Variants in GNB1 observed in about 807,000 individuals in gnomAD.
GNB1 encodes guanine nucleotide-binding protein G(I)/G(S)/G(T) subunit beta-1.
GNB1 carries 2 observed loss-of-function variants against 42.9 expected under a neutral mutation model. The observed-to-expected ratio is 0.05, with a 90% CI of 0.02 to 0.15. GNB1 has a LOEUF of 0.15. Ranked by LOEUF, GNB1 falls within the 10% of genes least tolerant of loss-of-function variation. GNB1 has a pLI of 1.00. For synonymous variants in GNB1, 183 were observed against 174.7 expected, an observed-to-expected ratio of 1.05 and a Z score of -0.38; for missense variants, 193 against 462.2, an observed-to-expected ratio of 0.42 and a Z score of 5.34.
intron 1 of GNB1, among the ~76,000 whole-genome samples, chr1:1,865,388 C>G (rs1192609796): frequency 6.6e-6 from 1 of 150,998 alleles, no homozygotes; most frequent in Non-Finnish European, 1.5e-5. Flanking sequence ...AGATCGAGAC[C>G]ATCCTGGCTA....
intron 1 of GNB1, among the ~76,000 whole-genome samples, chr1:1,877,573 A>C (rs1192007871): frequency 6.6e-6 from 1 of 152,000 alleles, no homozygotes; most frequent in Non-Finnish European, 1.5e-5. Flanking sequence ...CCTGGCCTCA[A>C]GTGATTCTCC....
chr1:1,881,624 T>A (rs1014842079), intron 1 of GNB1, among the ~76,000 whole-genome samples: 2 of 152,102 alleles, frequency 1.3e-5, no homozygotes, highest in Non-Finnish European at 2.9e-5. Flanking sequence ...GGTCTCAAAC[T>A]CCTGACCTCA....
chr1:1,809,588 C>T (rs151174676), intron 5 of GNB1, among the ~76,000 whole-genome samples: 155 of 152,268 alleles, frequency 1.0e-3, no homozygotes, highest in African/African-American at 3.3e-3. Context: ...GACTTTCTGT[C>T]GAGTATCAGA....
rs2100729567 is a variant in GNB1, at chr1:1,806,747, G to A, written c.204-209C>T. ...CCAGCACTTTGGGAGGCTGAGGTGGGCAGATCACATGAGGTCAGGAGTTCA... is the reference window on the plus strand; with the variant it reads ...CCAGCACTTTGGGAGGCTGAGGTGGACAGATCACATGAGGTCAGGAGTTCA... On this transcript the variant is annotated intron_variant, in intron 5 of 11. Transcript: ENST00000378609. Among the ~76,000 whole-genome samples the A allele has an allele frequency of 2.0e-5, 3 of 152,310 alleles. No homozygotes were observed. The South Asian group carries it at 6.2e-4, about 32-fold the overall frequency.
intron 3 of GNB1, among the ~76,000 whole-genome samples, chr1:1,823,196 C>T (rs71630941): frequency 7.0e-6 from 1 of 142,292 alleles, no homozygotes; most frequent in African/African-American, 2.6e-5. Flanking sequence ...GAGCTGAGAT[C>T]GCGCCACTGC....
chr1:1,876,562 CAT>C, intron 1 of GNB1, among the ~76,000 whole-genome samples: 1 of 152,134 alleles, frequency 6.6e-6, no homozygotes, highest in African/African-American at 2.4e-5. Flanking sequence ...AGCGCACACA[CAT>C]GCAAAAATGG....
chr1:1,816,644 CTTTTTTTTTTT>C (rs59065707), intron 4 of GNB1, among the ~76,000 whole-genome samples: 2 of 108,638 alleles, frequency 1.8e-5, no homozygotes, highest in African/African-American at 6.5e-5. Context: ...TTTTTATTAT[CTTTTTTTTTTT>C]TTTTTTTTTT....
chr1:1,866,255 A>C (rs1238405994), intron 1 of GNB1, among the ~76,000 whole-genome samples: 2 of 152,232 alleles, frequency 1.3e-5, no homozygotes, highest in Non-Finnish European at 2.9e-5. Context: ...ACAGTATCTT[A>C]AAACAGTATG....
intron 6 of GNB1, 92 bp downstream of exon 6, chr1:1,806,383 C>A: frequency 1.3e-6 from 1 of 774,692 alleles, no homozygotes. Context: ...CCTTCCCTAT[C>A]CTGTATTACG....
chr1:1,809,139 C>A (rs1646741889), intron 5 of GNB1, among the ~76,000 whole-genome samples: 1 of 151,252 alleles, frequency 6.6e-6, no homozygotes, highest in Non-Finnish European at 1.5e-5. Context: ...AAATTTATCA[C>A]AGAACTAAAA....
rs1646388302 is a variant in GNB1, at chr1:1,785,293, T to C, written c.*1770A>G. On this transcript the variant is annotated 3_prime_UTR_variant, in exon 12 of 12. Transcript: ENST00000378609. ...ATAATCACCACACCAAAGTCCCTCA[T>C]GTCAAACTGCTTTATTACATCTTAA... 6.6e-6 allele frequency: 1 copy of C among 152,660 alleles called. No individual in the cohort carries two copies. Among genetic ancestry groups the C allele is most frequent in the Admixed American group, 6.5e-5 (1 of 15,282 alleles). 9.5% of individuals were successfully genotyped at this position (152,660 alleles called of 1,614,324 possible).
At chr1:1,825,196 T>C (rs571353971) in intron 3 of GNB1, 2 of 566,998 alleles carry the variant, frequency 3.5e-6, no homozygotes, top group East Asian at 2.9e-5. Flanking sequence ...AAATAACAAA[T>C]TGTATACAGA....
Position 1,787,488 on chromosome 1 carries a change from C to T in GNB1, c.917-51G>A. ...CACCAAAGCCCAGAGGCATCGATCT[C>T]ACCTGTGTGCCATGTTGTGACGAGG... On this transcript the variant is annotated intron_variant, in intron 10 of 11. Coordinates refer to ENST00000378609, the MANE Select transcript of GNB1 (RefSeq NM_002074.5). The surrounding 1 kb of genome is among the most constrained non-coding windows in gnomAD (Gnocchi z 4.4). 1 of 1,079,872 alleles carries T rather than the reference C, an allele frequency of 9.3e-7. No individual in the cohort carries two copies. The highest frequency in any genetic ancestry group is 1.4e-6 in the Non-Finnish European group (1 of 700,348). The allele number at this position is 1,079,872 out of a possible 1,614,324, so 66.9% of individuals were successfully genotyped here.
At chr1:1,881,779 C>T (rs1351393724) in intron 1 of GNB1, among the ~76,000 whole-genome samples, 1 of 152,180 alleles carries the variant, frequency 6.6e-6, no homozygotes, top group Non-Finnish European at 1.5e-5. Flanking sequence ...TTGGAACTTC[C>T]GTCCCTGGAT....
chr1:1,855,965 T>G (rs1557931826), intron 1 of GNB1, among the ~76,000 whole-genome samples: 1 of 152,264 alleles, frequency 6.6e-6, no homozygotes, highest in African/African-American at 2.4e-5. Context: ...TTTTCACCAC[T>G]GTGTTCTCAG....
intron 2 of GNB1, among the ~76,000 whole-genome samples, chr1:1,837,715 C>T (rs144196021): frequency 5.8e-4 from 88 of 151,500 alleles, no homozygotes; most frequent in African/African-American, 2.1e-3. Flanking sequence ...CGTGCCACCA[C>T]ACGTGGCTAA....
chr1:1,870,049 C>T (rs1283862082), intron 1 of GNB1, among the ~76,000 whole-genome samples: 13 of 152,112 alleles, frequency 8.5e-5, no homozygotes, highest in South Asian at 2.1e-4. Flanking sequence ...TTAGTAGAGA[C>T]GGGGTTTCAC....
chr1:1,858,097 A>G (rs1265100669), intron 1 of GNB1, among the ~76,000 whole-genome samples: 3 of 152,206 alleles, frequency 2.0e-5, no homozygotes, highest in Non-Finnish European at 4.4e-5. Flanking sequence ...ACAGTCCCCA[A>G]AACACACAAA....
intron 7 of GNB1, among the ~76,000 whole-genome samples, chr1:1,797,566 T>G (rs1285005762): frequency 6.6e-6 from 1 of 152,164 alleles, no homozygotes; most frequent in African/African-American, 2.4e-5. Flanking sequence ...GCCTCCCAAG[T>G]AGCTGGGACT....
Sources: gnomAD v4.1 joint callset for allele counts (sites outside exome capture counted in the v4.1 genomes callset) on GRCh38, gnomAD v4.1.1 for gene constraint, Gnocchi (gnomAD v3.1) non-coding constraint, MANE v1.5 for transcripts, NCBI Gene and HGNC (gene_info 2026-07-23, HGNC 2026-07-21) for gene names.